The following HSD17B4 variants were observed in gnomAD, a reference collection of about 807,000 sequenced individuals.
HSD17B4 encodes the protein peroxisomal multifunctional enzyme type 2.
HSD17B4 carries 70 observed loss-of-function variants against 101.0 expected under a neutral mutation model. The ratio of observed to expected loss-of-function variants is 0.69; its 90% CI spans 0.57 to 0.85. HSD17B4 has a LOEUF of 0.85. Ranked by LOEUF, HSD17B4 falls within the 40% of genes least tolerant of loss-of-function variation. HSD17B4 has a pLI of 0.00. For synonymous variants in HSD17B4, 347 were observed against 297.1 expected (o/e 1.17, Z -1.73); for missense variants, 984 against 892.4 (o/e 1.10, Z -1.31).
intron 2 of HSD17B4, among the ~76,000 whole-genome samples, chr5:119,469,912 T>C (rs1756188297): frequency 6.6e-6 from 1 of 152,084 alleles, no homozygotes; most frequent in South Asian, 2.1e-4. Flanking sequence ...GACAGTGGCA[T>C]GGTTTTGCTG....
intron 22 of HSD17B4, among the ~76,000 whole-genome samples, chr5:119,531,821 A>C (rs1754141355): frequency 6.6e-6 from 1 of 152,154 alleles, no homozygotes; most frequent in South Asian, 2.1e-4. Flanking sequence ...ATACCAAAAC[A>C]ATAATTTGGA....
chr5:119,511,955 G>A (rs537599665), intron 16 of HSD17B4, among the ~76,000 whole-genome samples: 6 of 152,244 alleles, frequency 3.9e-5, no homozygotes, highest in African/African-American at 1.4e-4. Flanking sequence ...CACAGCAGCT[G>A]TTATTTATGT....
intron 6 of HSD17B4, 34 bp downstream of exon 6, chr5:119,475,904 A>C: frequency 6.8e-7 from 1 of 1,465,060 alleles, no homozygotes; most frequent in East Asian, 2.3e-5. Flanking sequence ...TGGGGAACAT[A>C]CTTATCCATT....
At chr5:119,525,833 A>G (rs1753542747) in intron 18 of HSD17B4, 84 bp from the exon 19 acceptor site, 1 of 815,212 alleles carries the variant, frequency 1.2e-6, no homozygotes, top group South Asian at 1.3e-5. Flanking sequence ...GTCTAAGGAC[A>G]TTTTTAAAGT....
intron 22 of HSD17B4, among the ~76,000 whole-genome samples, chr5:119,532,293 A>G (rs993392792): frequency 1.3e-5 from 2 of 152,090 alleles, no homozygotes; most frequent in Admixed American, 6.6e-5. Context: ...GGTCATTTAT[A>G]ATTGTATGTT....
At chr5:119,541,762 T>C (rs1255649606) in intron 23 of HSD17B4, 143 bp from the exon 24 acceptor site, 16 of 641,310 alleles carry the variant, frequency 2.5e-5, no homozygotes, top group Non-Finnish European at 4.2e-5. Context: ...GTTATTAAAT[T>C]GTCATTGCTA....
At chr5:119,455,794 G>A (rs1467847971) in intron 1 of HSD17B4, among the ~76,000 whole-genome samples, 9 of 152,080 alleles carry the variant, frequency 5.9e-5, no homozygotes, top group Non-Finnish European at 1.0e-4. Flanking sequence ...ATCCATTAGA[G>A]GAGGCAATAC....
At chr5:119,468,062 T>A (rs9885037) in intron 2 of HSD17B4, among the ~76,000 whole-genome samples, 1 of 152,186 alleles carries the variant, frequency 6.6e-6, no homozygotes, top group Non-Finnish European at 1.5e-5. Context: ...CTTCTGTCAT[T>A]TTGTTAATTG....
At chr5:119,528,493 C>G (rs1753792302) in intron 20 of HSD17B4, among the ~76,000 whole-genome samples, 1 of 152,162 alleles carries the variant, frequency 6.6e-6, no homozygotes, top group South Asian at 2.1e-4. Flanking sequence ...CTATTCCCCA[C>G]TTTCCTACCC....
rs34604765 is a variant in HSD17B4 at position 119,452,549 on chromosome 5, G to A, written c.-27G>A. 1.3e-5 allele frequency: 21 copies of A among 1,613,612 alleles called. No individual in the cohort carries two copies. Among genetic ancestry groups the A allele is most frequent in the Non-Finnish European group, 1.6e-5 (19 of 1,179,932 alleles). ...CGGCGTCCAGCGGCTCTGCTTGTTC[G>A]TGTGTGTGTCGTTGCAGGCCTTATT... On this transcript the variant is annotated 5_prime_UTR_variant, in exon 1 of 24. It adds an upstream start codon to the 5' untranslated region. Transcript: ENST00000510025.
chr5:119,526,982 ATTATAC>A (rs1753657471), intron 19 of HSD17B4, 145 bp from the exon 20 acceptor site: 1 of 616,982 alleles, frequency 1.6e-6, no homozygotes, highest in Non-Finnish European at 2.9e-6. Context: ...ATTTTATCAT[ATTATAC>A]TTAGGTCTTT....
At chr5:119,458,508 ATTTTTTTT>A (rs35423756) in intron 2 of HSD17B4, among the ~76,000 whole-genome samples, 1 of 136,300 alleles carries the variant, frequency 7.3e-6, no homozygotes, top group African/African-American at 2.7e-5. Context: ...AGCCTGGCTA[ATTTTTTTT>A]TTTTTTTTTT....
chr5:119,493,417 T>A (rs1750298010), intron 10 of HSD17B4: 1 of 189,624 alleles, frequency 5.3e-6, no homozygotes, highest in South Asian at 1.0e-4. Flanking sequence ...AGTCTTCAGT[T>A]TGCTAACTCA....
chr5:119,536,134 A>G (rs1022669052), intron 22 of HSD17B4: 9 of 379,512 alleles, frequency 2.4e-5, no homozygotes, highest in East Asian at 6.4e-5. Context: ...CTGTGATCTT[A>G]TAGGTGTCTA....
Position 119,473,978 on chromosome 5 carries a change from A to C in HSD17B4, c.183A>C (p.Glu61Asp), listed in dbSNP as rs535274592. The C allele has an allele frequency of 1.9e-6, 3 of 1,611,404 alleles. No individual in the cohort carries two copies. In the African/African-American group the frequency reaches 4.0e-5, roughly 21 times the overall value. The change falls in exon 3 of 24, where the codon GAA (glutamate) becomes GAC (aspartate). Residue 61 changes from glutamate to aspartate, a missense_variant. By Grantham distance (45) the Glu-to-Asp change is conservative. Coordinates refer to ENST00000510025, the MANE Select transcript of HSD17B4 (RefSeq NM_000414.4). ...GSLAADKVVEEIRRRGGKAVA... is the reference protein window; with the variant it reads ...GSLAADKVVEDIRRRGGKAVA... Reference sequence around the variant, plus strand: ...TAGCTGCTGATAAGGTTGTTGAAGAAATAAGAAGGAGAGGTGGAAAAGCAG... The same window carrying C: ...TAGCTGCTGATAAGGTTGTTGAAGACATAAGAAGGAGAGGTGGAAAAGCAG...
At chr5:119,533,093 G>T (rs1754253077) in intron 22 of HSD17B4, among the ~76,000 whole-genome samples, 1 of 152,072 alleles carries the variant, frequency 6.6e-6, no homozygotes, top group African/African-American at 2.4e-5. Context: ...GCCTGAAGCA[G>T]TTCATTCAGA....
intron 8 of HSD17B4, among the ~76,000 whole-genome samples, chr5:119,483,120 A>G (rs114796723): frequency 0.017 from 2,632 of 152,142 alleles, 71 homozygotes; most frequent in African/African-American, 0.06. Flanking sequence ...TCTGATCTTC[A>G]CTGTGTGATG....
At chr5:119,457,982 C>T (rs987959676) in intron 2 of HSD17B4, among the ~76,000 whole-genome samples, 1 of 152,136 alleles carries the variant, frequency 6.6e-6, no homozygotes, top group Non-Finnish European at 1.5e-5. Flanking sequence ...TCCTGTGCAT[C>T]AATTTTCCTT....
intron 1 of HSD17B4, among the ~76,000 whole-genome samples, chr5:119,453,472 G>A (rs1754285636): frequency 6.6e-6 from 1 of 152,196 alleles, no homozygotes; most frequent in Non-Finnish European, 1.5e-5. Context: ...GCTGTGCAGT[G>A]AGATTTTACA....
Sources: gnomAD v4.1 joint callset for allele counts (sites outside exome capture counted in the v4.1 genomes callset) on GRCh38, gnomAD v4.1.1 for gene constraint, MANE v1.5 for transcripts, NCBI Gene and HGNC (gene_info 2026-07-23, HGNC 2026-07-21) for gene names.